The following PRKAR1B variants were observed in gnomAD, a reference collection of about 807,000 sequenced individuals.
PRKAR1B encodes the protein cAMP-dependent protein kinase type I-beta regulatory subunit.
In PRKAR1B, 22 loss-of-function variants were observed where a neutral mutation model predicts 46.5. The ratio of observed to expected loss-of-function variants is 0.47; its 90% CI spans 0.34 to 0.68. PRKAR1B has a LOEUF of 0.68. PRKAR1B is among the 30% of genes least tolerant of loss of function. The pLI is 0.01. For missense variants in PRKAR1B, 445 were observed against 535.6 expected (o/e 0.83, Z 1.67); for synonymous variants, 259 against 217.7 (o/e 1.19, Z -1.67).
chr7:632,447 C>T (rs946045041), intron 4 of PRKAR1B, among the ~76,000 whole-genome samples: 3 of 152,258 alleles, frequency 2.0e-5, no homozygotes, highest in Non-Finnish European at 4.4e-5. Flanking sequence ...GGGGTCTTCC[C>T]ACTGCCCCTG....
chr7:557,243 C>T (rs112848658), intron 9 of PRKAR1B, among the ~76,000 whole-genome samples: 1 of 152,284 alleles, frequency 6.6e-6, no homozygotes, highest in African/African-American at 2.4e-5. Context: ...GGTTCGAATC[C>T]CTTCCTCACG....
intron 4 of PRKAR1B, among the ~76,000 whole-genome samples, chr7:672,117 TG>T (rs1296152594): frequency 2.0e-5 from 3 of 152,014 alleles, no homozygotes; most frequent in Non-Finnish European, 4.4e-5. Context: ...ATGAATCCTC[TG>T]GAAGTATTTG....
chr7:575,281 C>T (rs1201908049), intron 9 of PRKAR1B, among the ~76,000 whole-genome samples: 1 of 152,234 alleles, frequency 6.6e-6, no homozygotes, highest in Non-Finnish European at 1.5e-5. Context: ...CTGGCTGAGG[C>T]TGGGGCTGCG....
chr7:563,925 G>A (rs1054804836), intron 9 of PRKAR1B, among the ~76,000 whole-genome samples: 1 of 152,092 alleles, frequency 6.6e-6, no homozygotes, highest in African/African-American at 2.4e-5. Flanking sequence ...GTGAGTATGT[G>A]CGTTGGTGTG....
At chr7:550,661 A>C (rs1016951228) in intron 10 of PRKAR1B, 59 bp from the exon 11 acceptor site, 68 of 1,416,878 alleles carry the variant, frequency 4.8e-5, no homozygotes, top group Non-Finnish European at 5.7e-5. Context: ...TGCAGCAGGG[A>C]AAGATTATGT....
chr7:563,657 G>C (rs1020228542), intron 9 of PRKAR1B, among the ~76,000 whole-genome samples: 1 of 152,154 alleles, frequency 6.6e-6, no homozygotes, highest in African/African-American at 2.4e-5. Flanking sequence ...ACAGAAGTCT[G>C]TGTGAGCATG....
chr7:602,359 TG>T lies in PRKAR1B; in HGVS notation c.549+3833del, dbSNP rs1413826432. Among the ~76,000 whole-genome samples the T allele has an allele frequency of 1.4e-5, 2 of 145,236 alleles. No homozygotes were observed. Among genetic ancestry groups the T allele is most frequent in the Non-Finnish European group, 3.0e-5 (2 of 66,052 alleles). Reference sequence around the variant, plus strand: ...CTCACTGAGTCCAGAGGTCGAGGGGTGGGTGGGGATTCTGCGAGGATGAGGA... The same window carrying T: ...CTCACTGAGTCCAGAGGTCGAGGGGTGGTGGGGATTCTGCGAGGATGAGGA... On this transcript the variant is annotated intron_variant, in intron 6 of 10. Transcript: ENST00000537384. The surrounding 1 kb of genome is among the most constrained non-coding windows in gnomAD (Gnocchi z 6.4).
In PRKAR1B at chr7:711,840, G is replaced by C. The variant is rs138949160; in HGVS notation, c.-22-313C>G. 8.6e-3 allele frequency among the ~76,000 whole-genome samples: 1,300 copies of C among 151,920 alleles called. 11 individuals are homozygous for C. Among genetic ancestry groups the C allele is most frequent in the Middle Eastern group, 0.031 (9 of 290 alleles). Reference sequence around the variant, plus strand: ...GTTCTGAGGATTCCGGGTGGGAAGAGTGGGGGGGCCCGGCGCCCTGAGGGT... The same window carrying C: ...GTTCTGAGGATTCCGGGTGGGAAGACTGGGGGGGCCCGGCGCCCTGAGGGT... On this transcript the variant is annotated intron_variant, in intron 1 of 10. Transcript: ENST00000537384.
chr7:723,188 G>A (rs766626631), intron 1 of PRKAR1B, among the ~76,000 whole-genome samples: 2 of 152,184 alleles, frequency 1.3e-5, no homozygotes, highest in South Asian at 2.1e-4. Flanking sequence ...CTGTCCACTC[G>A]AACCCCAGTT....
At chr7:555,370 G>A (rs996933321) in intron 9 of PRKAR1B, among the ~76,000 whole-genome samples, 1 of 152,196 alleles carries the variant, frequency 6.6e-6, no homozygotes, top group Admixed American at 6.5e-5. Flanking sequence ...GGCCGTGCTC[G>A]GTGGTCTCTG....
At chr7:651,375 C>T (rs956283803) in intron 4 of PRKAR1B, among the ~76,000 whole-genome samples, 1 of 152,226 alleles carries the variant, frequency 6.6e-6, no homozygotes, top group Non-Finnish European at 1.5e-5. Context: ...CGGAAAGGAC[C>T]CCGAAACACA....
intron 2 of PRKAR1B, among the ~76,000 whole-genome samples, chr7:693,088 C>G (rs182826090): frequency 0.033 from 5,075 of 151,938 alleles, 315 homozygotes; most frequent in African/African-American, 0.12. Flanking sequence ...GCGCCCACCA[C>G]CACACCCAGC....
chr7:615,957 A>T (rs1295297062), intron 4 of PRKAR1B, among the ~76,000 whole-genome samples: 1 of 152,018 alleles, frequency 6.6e-6, no homozygotes, highest in Non-Finnish European at 1.5e-5. Context: ...AAAGAAAAAT[A>T]AAAAAAGAAA....
At chr7:726,820 C>T in intron 1 of PRKAR1B, 2 of 1,325,402 alleles carry the variant, frequency 1.5e-6, no homozygotes, top group Non-Finnish European at 1.9e-6. Context: ...CCTGAGCCGC[C>T]TGCTGCCGGG....
intron 4 of PRKAR1B, among the ~76,000 whole-genome samples, chr7:625,559 ACTACAGGTCCTATGGACAAGGGGCACCG>A (rs1218839485): frequency 3.3e-5 from 5 of 152,154 alleles, no homozygotes; most frequent in East Asian, 1.9e-4. Flanking sequence ...AAGGGGCATA[ACTACAGGTCCTATGGACAAGGGGCACCG>A]CTACAGGTCC....
At chr7:716,100 T>C (rs1780875733) in intron 1 of PRKAR1B, among the ~76,000 whole-genome samples, 1 of 151,796 alleles carries the variant, frequency 6.6e-6, no homozygotes, top group Non-Finnish European at 1.5e-5. Flanking sequence ...CAGGCTGGAG[T>C]GCAGTGGTGT....
upstream of PRKAR1B, chr7:727,458 G>T: frequency 3.0e-6 from 1 of 332,876 alleles, no homozygotes; most frequent in Non-Finnish European, 4.8e-6. Context: ...CCCCCCATGC[G>T]CCGCTTCCCC....
chr7:641,253 G>T (rs778939446), intron 4 of PRKAR1B, among the ~76,000 whole-genome samples: 2 of 152,050 alleles, frequency 1.3e-5, no homozygotes, highest in Non-Finnish European at 1.5e-5. Context: ...CGCCCGGCCG[G>T]AAAAGAGAAT....
intron 2 of PRKAR1B, among the ~76,000 whole-genome samples, chr7:683,741 C>A (rs1190113504): frequency 6.6e-6 from 1 of 152,240 alleles, no homozygotes; most frequent in Admixed American, 6.5e-5. Context: ...CCACTCCTGG[C>A]CCACCTGCCA....
Sources: allele counts gnomAD v4.1 joint callset (sites outside exome capture counted in the v4.1 genomes callset), GRCh38; gene constraint gnomAD v4.1.1; non-coding constraint Gnocchi (gnomAD v3.1); transcripts MANE v1.5; gene names NCBI Gene and HGNC (gene_info 2026-07-23, HGNC 2026-07-21).